The following ANKRD24 variants were observed in gnomAD, a reference collection of about 807,000 sequenced individuals.
The protein encoded by ANKRD24 is ankyrin repeat domain 24, also known as ankyrin repeat domain-containing protein 24.
A neutral mutation model predicts 127.8 loss-of-function variants in ANKRD24; 109 were observed. The observed-to-expected ratio is 0.85, with a 90% CI of 0.73 to 1.00. The LOEUF is 1.00. Ranked by LOEUF, ANKRD24 falls within the 50% of genes least tolerant of loss-of-function variation. The pLI, the probability that ANKRD24 is intolerant of heterozygous loss-of-function variation, is 0.00. For missense variants in ANKRD24, 1,648 were observed against 1,570.2 expected (o/e 1.05, Z -0.84); for synonymous variants, 743 against 671.1 (o/e 1.11, Z -1.66).
At chr19:4,182,889 G>C (rs939920967) in intron 1 of ANKRD24, 149 bp downstream of exon 1, 42 of 405,292 alleles carry the variant, frequency 1.0e-4, no homozygotes, top group African/African-American at 8.7e-4. Context: ...AGTAAATTCC[G>C]TAAGGACAGA....
intron 7 of ANKRD24, chr19:4,207,036 C>T (rs1310751918): frequency 1.7e-6 from 1 of 592,566 alleles, no homozygotes; most frequent in Non-Finnish European, 3.0e-6. Context: ...TGGGGACTCC[C>T]TAGTAGCTGG....
At position 4,208,654 on chromosome 19, in the gene ANKRD24, C is replaced by T. The variant is rs1599437170; in HGVS notation, c.833-110C>T. 4.8e-5 allele frequency: 51 copies of T among 1,057,362 alleles called. 1 individual carries two copies. In the South Asian group the frequency reaches 7.1e-4, roughly 15 times the overall value. 65.5% of individuals were successfully genotyped at this position (1,057,362 alleles called of 1,614,324 possible). ...CCAAGCGCCAGATTTCTACCTTAAA[C>T]GCCCTGATTCTTGGGGAAATCGGGA... On this transcript the variant is annotated intron_variant, in intron 10 of 21. Transcript: ENST00000318934.
At chr19:4,194,440 A>G (rs1212458094) in intron 2 of ANKRD24, among the ~76,000 whole-genome samples, 1 of 152,144 alleles carries the variant, frequency 6.6e-6, no homozygotes, top group Admixed American at 6.6e-5. Context: ...GGCGTGAACC[A>G]CCGCACCTAG....
chr19:4,197,904 A>C (rs1469235092), intron 2 of ANKRD24, among the ~76,000 whole-genome samples: 1 of 152,184 alleles, frequency 6.6e-6, no homozygotes, highest in Non-Finnish European at 1.5e-5. Flanking sequence ...TGAGTGAATG[A>C]ATGAACGAGT....
intron 2 of ANKRD24, among the ~76,000 whole-genome samples, chr19:4,190,700 G>GA (rs1299928205): frequency 6.6e-6 from 1 of 150,798 alleles, no homozygotes; most frequent in African/African-American, 2.4e-5. Flanking sequence ...GCCATTGCAC[G>GA]ATTGCCCAGC....
chr19:4,221,960 T>C (rs1970464529), intron 19 of ANKRD24, among the ~76,000 whole-genome samples: 1 of 152,178 alleles, frequency 6.6e-6, no homozygotes, highest in Non-Finnish European at 1.5e-5. Context: ...CAGTGTCCCC[T>C]TGGGGGGCAG....
intron 15 of ANKRD24, among the ~76,000 whole-genome samples, chr19:4,214,045 T>C (rs1037497565): frequency 4.6e-5 from 7 of 152,134 alleles, no homozygotes; most frequent in African/African-American, 1.7e-4. Flanking sequence ...ACACACAGTT[T>C]ACAGACACGC....
At chr19:4,197,219 T>C (rs1968796534) in intron 2 of ANKRD24, among the ~76,000 whole-genome samples, 1 of 152,104 alleles carries the variant, frequency 6.6e-6, no homozygotes, top group Non-Finnish European at 1.5e-5. Flanking sequence ...GGGTGCTGGA[T>C]TCAAATTCAG....
intron 1 of ANKRD24, among the ~76,000 whole-genome samples, chr19:4,184,259 C>T (rs927506541): frequency 5.3e-5 from 8 of 152,248 alleles, no homozygotes; most frequent in African/African-American, 1.9e-4. Flanking sequence ...TAACCGGAGC[C>T]GGCAGTGGGC....
chr19:4,209,423 T>TG (rs1969576135), intron 11 of ANKRD24, among the ~76,000 whole-genome samples: 4 of 147,704 alleles, frequency 2.7e-5, no homozygotes, highest in African/African-American at 7.6e-5. Flanking sequence ...CCTAGTTTTT[T>TG]TTTTTTGTTG....
At chr19:4,209,357 C>A (rs952779591) in intron 11 of ANKRD24, among the ~76,000 whole-genome samples, 2 of 152,146 alleles carry the variant, frequency 1.3e-5, no homozygotes, top group African/African-American at 4.8e-5. Context: ...ACCCACCCGC[C>A]TCGGCCTCCC....
In ANKRD24 at chr19:4,198,176, C is replaced by T. The variant is rs905035197; in HGVS notation, c.37-1507C>T. On this transcript the variant is annotated intron_variant, in intron 2 of 21. Transcript: ENST00000318934. The surrounding 1 kb of genome is among the most constrained non-coding windows in gnomAD (Gnocchi z 6.1). ...GGCCTGCGCTGGTGAGGGAGCCGGG[C>T]CCCCGGCGCCGCGTCCTCCTCATCC... The T allele has an allele frequency of 1.8e-6, 1 of 564,654 alleles. No homozygotes were observed. Among genetic ancestry groups the T allele is most frequent in the Non-Finnish European group, 3.1e-6 (1 of 319,204 alleles). 35.0% of individuals were successfully genotyped at this position (564,654 alleles called of 1,614,324 possible).
chr19:4,186,290 G>T lies in ANKRD24; in HGVS notation c.-36-100G>T, dbSNP rs899368520. ...TTGCTCTAGGGGCCAGGACTGGTCA[G>T]GAAGGAGGAAGCGGTCCTTTTGAGG... is the stretch of plus-strand genomic sequence containing the variant. On this transcript the variant is annotated intron_variant, in intron 1 of 21. Transcript: ENST00000318934. The T allele has an allele frequency of 4.0e-6, 6 of 1,509,106 alleles. No individual in the cohort carries two copies. In the African/African-American group the frequency reaches 6.9e-5, roughly 17 times the overall value. The allele number at this position is 1,509,106 out of a possible 1,614,324, so 93.5% of individuals were successfully genotyped here. A position where few individuals can be genotyped will look rare whatever the true frequency, so the allele number is the denominator to read the frequency against.
At chr19:4,191,005 G>A (rs2145227571) in intron 2 of ANKRD24, among the ~76,000 whole-genome samples, 1 of 152,314 alleles carries the variant, frequency 6.6e-6, no homozygotes, top group Non-Finnish European at 1.5e-5. Context: ...GGAGGGGTCG[G>A]GACAAAGTCA....
intron 15 of ANKRD24, among the ~76,000 whole-genome samples, chr19:4,214,464 A>G (rs1374910059): frequency 2.6e-5 from 4 of 152,114 alleles, no homozygotes; most frequent in Non-Finnish European, 5.9e-5. Flanking sequence ...GAAAACACAC[A>G]ATTATGCAAA....
rs1474223806 is a variant in ANKRD24, at chr19:4,216,945, G to A, written c.1785G>A (p.Lys595=). ...EATGAEATGA[K]VTETKPTGAE... The stretch of plus-strand genomic sequence containing the variant: ...CGGGAGCTGAGGCCACAGGAGCCAA[G>A]GTCACAGAAACAAAACCCACAGGGG... Residue 595 remains lysine, a synonymous_variant, in exon 18 of 22, where the codon AAG becomes AAA. Transcript: ENST00000318934. The A allele has an allele frequency of 3.1e-6, 5 of 1,611,502 alleles. No individual in the cohort carries two copies. The African/African-American group carries it at 4.0e-5, about 13-fold the overall frequency.
chr19:4,184,133 C>T (rs1967908446), intron 1 of ANKRD24, among the ~76,000 whole-genome samples: 1 of 152,208 alleles, frequency 6.6e-6, no homozygotes. Flanking sequence ...CAGTCCGCTG[C>T]CAGCCTGTCT....
intron 15 of ANKRD24, among the ~76,000 whole-genome samples, chr19:4,214,780 G>C (rs1969963746): frequency 6.6e-6 from 1 of 152,176 alleles, no homozygotes; most frequent in Non-Finnish European, 1.5e-5. Context: ...CTTGAACTCA[G>C]GAGGCGGAGG....
rs563881315 is a variant in ANKRD24, at chr19:4,195,849, G to A, written c.37-3834G>A. On this transcript the variant is annotated intron_variant, in intron 2 of 21. Coordinates refer to ENST00000318934, the MANE Select transcript of ANKRD24 (RefSeq NM_001393985.1). This position sits in a 1 kb window ranked among gnomAD's most constrained non-coding sequence, Gnocchi z 4.2. ...GCAGAGCTTGCAGTGAGCCGAGATC[G>A]CACCACTGCACTCCAGCCTGGGTGG... 1.7e-4 allele frequency among the ~76,000 whole-genome samples: 26 copies of A among 152,274 alleles called. No homozygotes were observed. The highest frequency in any genetic ancestry group is 7.2e-4 in the Admixed American group (11 of 15,278).
Sources: allele counts gnomAD v4.1 joint callset (sites outside exome capture counted in the v4.1 genomes callset), GRCh38; gene constraint gnomAD v4.1.1; non-coding constraint Gnocchi (gnomAD v3.1); transcripts MANE v1.5; gene names NCBI Gene and HGNC (gene_info 2026-07-23, HGNC 2026-07-21).